Variants in TFEC observed in about 807,000 individuals in gnomAD.
TFEC encodes the protein transcription factor EC, also known as class E basic helix-loop-helix protein 34.
In TFEC, 31 loss-of-function variants were observed where a neutral mutation model predicts 41.6. That is an observed-to-expected ratio of 0.74 (90% confidence interval 0.56 to 1.01). The LOEUF (loss-of-function observed/expected upper bound fraction) is 1.01, where lower values mean the gene tolerates loss of function less well. Among genes scored for constraint, TFEC ranks in the 50% least tolerant of loss-of-function variants. TFEC has a pLI of 0.00. For missense variants in TFEC, 402 were observed against 404.1 expected (o/e 0.99, Z 0.04); for synonymous variants, 143 against 140.6 (o/e 1.02, Z -0.12).
Position 115,936,039 on chromosome 7 carries a change from T to C in TFEC, c.*4512A>G, listed in dbSNP as rs1327376338. ...AATCTCCTATACATTCAAATCTCTA[T>C]GGACCTCAGAGGGAAAATGTAGCAC... On this transcript the variant is annotated 3_prime_UTR_variant, in exon 8 of 8. Transcript: ENST00000265440. 2.0e-5 allele frequency: 3 copies of C among 151,606 alleles called. No homozygotes were observed. Among genetic ancestry groups the C allele is most frequent in the African/African-American group, 4.8e-5 (2 of 41,410 alleles). The allele number at this position is 151,606 out of a possible 1,614,324, so 9.4% of individuals were successfully genotyped here.
intron 1 of TFEC, among the ~76,000 whole-genome samples, chr7:115,997,963 T>A (rs1283552899): frequency 6.6e-6 from 1 of 151,804 alleles, no homozygotes; most frequent in African/African-American, 2.4e-5. Flanking sequence ...ATCCACAAAA[T>A]AACCTCCAAA....
At chr7:116,140,523 A>G (rs957347811) in intron 1 of TFEC, among the ~76,000 whole-genome samples, 16 of 152,352 alleles carry the variant, frequency 1.1e-4, no homozygotes, top group African/African-American at 3.4e-4. Flanking sequence ...GAACTTTTAT[A>G]TAATTTCAAA....
intron 3 of TFEC, among the ~76,000 whole-genome samples, chr7:116,053,271 G>C (rs925815677): frequency 6.6e-6 from 1 of 152,126 alleles, no homozygotes; most frequent in Non-Finnish European, 1.5e-5. Context: ...CGAATTTGAG[G>C]TTCACAGTTA....
intron 1 of TFEC, among the ~76,000 whole-genome samples, chr7:116,011,263 C>T (rs1170842457): frequency 2.6e-5 from 4 of 152,220 alleles, no homozygotes; most frequent in South Asian, 2.1e-4. Context: ...TTGGATAACA[C>T]ATTTTGCACC....
chr7:116,100,726 G>A (rs1431466493), intron 3 of TFEC, among the ~76,000 whole-genome samples: 5 of 152,076 alleles, frequency 3.3e-5, no homozygotes. Flanking sequence ...TGCCACAAGG[G>A]AGGGATTTTC....
intron 1 of TFEC, chr7:116,117,545 C>G (rs1176399436): frequency 1.3e-5 from 2 of 151,722 alleles, no homozygotes; most frequent in African/African-American, 4.8e-5. Flanking sequence ...CCTCTCTTAT[C>G]CTATCTAAAG....
chr7:115,985,576 A>G (rs1793815718), intron 1 of TFEC, among the ~76,000 whole-genome samples: 1 of 152,132 alleles, frequency 6.6e-6, no homozygotes, highest in Admixed American at 6.5e-5. Flanking sequence ...AGCCCAGATA[A>G]ATAGCCTCTA....
At chr7:116,077,866 C>A (rs1185539791) in intron 3 of TFEC, among the ~76,000 whole-genome samples, 2 of 151,994 alleles carry the variant, frequency 1.3e-5, no homozygotes, top group Non-Finnish European at 2.9e-5. Flanking sequence ...CTAGATAGGT[C>A]ATCAAGACAG....
chr7:115,982,908 G>A (rs1448176295), intron 2 of TFEC, among the ~76,000 whole-genome samples: 1 of 152,002 alleles, frequency 6.6e-6, no homozygotes, highest in African/African-American at 2.4e-5. Context: ...TCATTTTTTA[G>A]AGTACATATT....
chr7:116,048,429 G>GA (rs1179669945), intron 3 of TFEC, among the ~76,000 whole-genome samples: 5 of 152,170 alleles, frequency 3.3e-5, no homozygotes, highest in African/African-American at 9.7e-5. Flanking sequence ...GAAGCTTAGA[G>GA]AAAAAAGAGT....
At chr7:115,980,460 A>T (rs1793575511) in intron 2 of TFEC, among the ~76,000 whole-genome samples, 1 of 152,076 alleles carries the variant, frequency 6.6e-6, no homozygotes, top group Non-Finnish European at 1.5e-5. Context: ...AAAAATGGAG[A>T]TAATAGGGGC....
chr7:116,066,611 G>C (rs181490029), intron 3 of TFEC, among the ~76,000 whole-genome samples: 1 of 151,986 alleles, frequency 6.6e-6, no homozygotes, highest in African/African-American at 2.4e-5. Context: ...GAAAATATTT[G>C]AGTGTTTGAA....
At chr7:116,156,927 A>T (rs1002114316) in intron 1 of TFEC, among the ~76,000 whole-genome samples, 2 of 152,168 alleles carry the variant, frequency 1.3e-5, no homozygotes, top group African/African-American at 4.8e-5. Flanking sequence ...GGCTTAGCTT[A>T]AGTTGACCTT....
intron 3 of TFEC, among the ~76,000 whole-genome samples, chr7:116,060,988 A>G (rs971540184): frequency 6.6e-6 from 1 of 152,180 alleles, no homozygotes; most frequent in Non-Finnish European, 1.5e-5. Flanking sequence ...ATATTTGAAG[A>G]GGCATACTGT....
In TFEC at chr7:116,101,487, GT is replaced by G. The variant is rs540231789; in HGVS notation, c.198+9220del. ...ATCAGAAAGTAACAACTTTAAATAA[GT>G]TTAACATATATGTTACTTTTACACT... is the stretch of plus-strand genomic sequence containing the variant. On this transcript the variant is annotated intron_variant, in intron 3 of 8. Transcript: ENST00000484212. Among the ~76,000 whole-genome samples, 195 of 152,180 alleles carry G rather than the reference GT, an allele frequency of 1.3e-3. 2 individuals carry two copies. Among genetic ancestry groups the G allele is most frequent in the African/African-American group, 4.5e-3 (186 of 41,552 alleles).
At chr7:115,944,049 A>ATTTTTTTTATTT (rs1584549799) in intron 6 of TFEC, among the ~76,000 whole-genome samples, 1 of 23,816 alleles carries the variant, frequency 4.2e-5, no homozygotes, top group Non-Finnish European at 1.1e-4. Flanking sequence ...TTGCTTCAAC[A>ATTTTTTTTATTT]TTTTGTGACT....
intron 3 of TFEC, among the ~76,000 whole-genome samples, chr7:116,036,554 C>A (rs940821062): frequency 2.6e-5 from 4 of 152,012 alleles, no homozygotes. Context: ...AAACACTATG[C>A]CTTAATGTTC....
chr7:116,039,714 T>C (rs1338672188), intron 3 of TFEC, among the ~76,000 whole-genome samples: 2 of 152,044 alleles, frequency 1.3e-5, no homozygotes, highest in Non-Finnish European at 2.9e-5. Context: ...AGAAATGAGT[T>C]AAAATATTTT....
chr7:116,008,155 A>T (rs1248610286), intron 1 of TFEC, among the ~76,000 whole-genome samples: 1 of 152,220 alleles, frequency 6.6e-6, no homozygotes, highest in Non-Finnish European at 1.5e-5. Context: ...CAAACATCAG[A>T]CAGGCAATTA....
Sources: allele counts gnomAD v4.1 joint callset (sites outside exome capture counted in the v4.1 genomes callset), GRCh38; gene constraint gnomAD v4.1.1; transcripts MANE v1.5; gene names NCBI Gene and HGNC (gene_info 2026-07-23, HGNC 2026-07-21).